The following ERLIN1 variants were observed in gnomAD, a reference collection of about 807,000 sequenced individuals.
ERLIN1 encodes the protein erlin-1.
A neutral mutation model predicts 46.9 loss-of-function variants in ERLIN1; 24 were observed. The ratio of observed to expected loss-of-function variants is 0.51; its 90% CI spans 0.37 to 0.72. The LOEUF is 0.72. ERLIN1 is among the 30% of genes least tolerant of loss of function. The pLI, the probability that ERLIN1 is intolerant of heterozygous loss-of-function variation, is 0.00. For missense variants in ERLIN1, 293 were observed against 417.9 expected (o/e 0.70, Z 2.61); for synonymous variants, 158 against 143.2 (o/e 1.10, Z -0.74).
intron 2 of ERLIN1, among the ~76,000 whole-genome samples, chr10:100,181,733 T>C (rs1200790046): frequency 6.6e-6 from 1 of 152,054 alleles, no homozygotes; most frequent in Non-Finnish European, 1.5e-5. Context: ...AGGCTGGTCT[T>C]GAACTCCTGA....
intron 1 of ERLIN1, 100 bp downstream of exon 1, chr10:100,185,414 G>A: frequency 1.1e-6 from 1 of 903,502 alleles, no homozygotes; most frequent in Admixed American, 2.0e-5. Context: ...GATGGGACAT[G>A]CGCCCCCGAA....
intron 2 of ERLIN1, among the ~76,000 whole-genome samples, chr10:100,183,482 A>G (rs1844778996): frequency 6.6e-6 from 1 of 152,250 alleles, no homozygotes; most frequent in African/African-American, 2.4e-5. Context: ...TTGTGACAGC[A>G]GCAACAGAAA....
At chr10:100,177,038 C>T (rs1007595254) in intron 4 of ERLIN1, among the ~76,000 whole-genome samples, 3 of 152,112 alleles carry the variant, frequency 2.0e-5, no homozygotes, top group African/African-American at 7.2e-5. Context: ...AGGAGAATTG[C>T]ATGAACCCAA....
intron 3 of ERLIN1, among the ~76,000 whole-genome samples, chr10:100,178,640 T>C (rs1396140706): frequency 6.6e-6 from 1 of 152,212 alleles, no homozygotes; most frequent in Non-Finnish European, 1.5e-5. Flanking sequence ...TTAGATGGCA[T>C]TTAACACTAC....
rs1589510134 is a variant in ERLIN1, at chr10:100,154,991, A to C, written c.746-52T>G. 5.5e-6 allele frequency: 8 copies of C among 1,446,034 alleles called. No homozygotes were observed. In the East Asian group the frequency reaches 1.8e-4, roughly 33 times the overall value. 89.6% of individuals were successfully genotyped at this position (1,446,034 alleles called of 1,614,324 possible). ...CAATCCATTCCCTCAGCTAGTTAAG[A>C]GTCCCTTTCCCCACTGCTTAATATT... On this transcript the variant is annotated intron_variant, in intron 9 of 10. Transcript: ENST00000421367.
intron 6 of ERLIN1, among the ~76,000 whole-genome samples, chr10:100,172,603 A>G (rs566044143): frequency 6.6e-6 from 1 of 152,352 alleles, no homozygotes; most frequent in Admixed American, 6.5e-5. Context: ...AACCAAAGGA[A>G]TGCAAATCAA....
At chr10:100,156,508 C>T (rs1010001004) in intron 8 of ERLIN1, among the ~76,000 whole-genome samples, 3 of 152,050 alleles carry the variant, frequency 2.0e-5, no homozygotes, top group Non-Finnish European at 4.4e-5. Flanking sequence ...TCTGTAGCAA[C>T]GGTCCACAAG....
intron 1 of ERLIN1, among the ~76,000 whole-genome samples, chr10:100,184,716 G>A (rs1285736399): frequency 6.6e-6 from 1 of 152,156 alleles, no homozygotes; most frequent in Non-Finnish European, 1.5e-5. Flanking sequence ...AATTTCTTAT[G>A]TAGAGCTCCA....
chr10:100,178,015 A>T, intron 4 of ERLIN1, 118 bp downstream of exon 4: 1 of 687,532 alleles, frequency 1.5e-6, no homozygotes, highest in Non-Finnish European at 2.5e-6. Context: ...GAAATTTATT[A>T]ATCAGTGATC....
rs1286952992 is a variant in ERLIN1 at position 100,185,737 on chromosome 10, C to T, written c.-111G>A. ...CGGAAACTTGGCGCTCTCTCGCAGG[C>T]TGAGCCGGGGAGTCCAGTACCCCTG... On this transcript the variant is annotated 5_prime_UTR_variant, in exon 1 of 11. Transcript: ENST00000421367. The T allele has an allele frequency of 3.5e-6, 3 of 855,864 alleles. No individual in the cohort carries two copies. Among genetic ancestry groups the T allele is most frequent in the African/African-American group, 1.7e-5 (1 of 60,350 alleles). The allele number at this position is 855,864 out of a possible 1,614,324, so 53.0% of individuals were successfully genotyped here. A position where few individuals can be genotyped will look rare whatever the true frequency, so the allele number is the denominator to read the frequency against.
intron 9 of ERLIN1, among the ~76,000 whole-genome samples, chr10:100,155,634 C>A (rs1010903666): frequency 2.1e-4 from 32 of 152,016 alleles, no homozygotes; most frequent in African/African-American, 7.7e-4. Context: ...CCTGCCTCAG[C>A]CTCCCAAGTA....
At chr10:100,168,178 G>A (rs1003069929) in intron 6 of ERLIN1, among the ~76,000 whole-genome samples, 14 of 152,040 alleles carry the variant, frequency 9.2e-5, no homozygotes, top group Admixed American at 2.0e-4. Context: ...ATACCCCGCC[G>A]CCCCACCTAT....
At chr10:100,158,090 G>C (rs1375596245) in intron 8 of ERLIN1, among the ~76,000 whole-genome samples, 1 of 152,190 alleles carries the variant, frequency 6.6e-6, no homozygotes, top group South Asian at 2.1e-4. Flanking sequence ...AAGGGAGTGG[G>C]ACCTGGGTTT....
chr10:100,167,172 A>G (rs989773550), intron 7 of ERLIN1, among the ~76,000 whole-genome samples, 176 bp downstream of exon 7: 2 of 152,214 alleles, frequency 1.3e-5, no homozygotes, highest in African/African-American at 2.4e-5. Context: ...AACACTAGTA[A>G]GAGTCTAGTG....
At chr10:100,167,112 C>T (rs1206733247) in intron 7 of ERLIN1, among the ~76,000 whole-genome samples, 3 of 152,170 alleles carry the variant, frequency 2.0e-5, no homozygotes, top group African/African-American at 4.8e-5. Flanking sequence ...TTACAGCAAA[C>T]TGCATCTTTA....
chr10:100,157,111 C>A (rs1843121496), intron 8 of ERLIN1, among the ~76,000 whole-genome samples: 1 of 152,082 alleles, frequency 6.6e-6, no homozygotes, highest in Admixed American at 6.5e-5. Flanking sequence ...CAAGCGAAGA[C>A]AACATAAAAT....
At chr10:100,179,063 G>A (rs1316070993) in intron 3 of ERLIN1, 138 bp downstream of exon 3, 17 of 615,390 alleles carry the variant, frequency 2.8e-5, no homozygotes. Context: ...ATAGGCCTTT[G>A]CTCAAACAAT....
At chr10:100,184,739 T>C (rs910128498) in intron 1 of ERLIN1, among the ~76,000 whole-genome samples, 13 of 152,232 alleles carry the variant, frequency 8.5e-5, no homozygotes, top group Non-Finnish European at 1.8e-4. Context: ...TGCTAAGATA[T>C]ACCATTAAAA....
At chr10:100,171,678 T>G (rs1844006333) in intron 6 of ERLIN1, among the ~76,000 whole-genome samples, 1 of 152,196 alleles carries the variant, frequency 6.6e-6, no homozygotes, top group Admixed American at 6.5e-5. Flanking sequence ...CCTAAAGTGG[T>G]GGGATTACAG....
Sources: allele counts gnomAD v4.1 joint callset (sites outside exome capture counted in the v4.1 genomes callset), GRCh38; gene constraint gnomAD v4.1.1; transcripts MANE v1.5; gene names NCBI Gene and HGNC (gene_info 2026-07-23, HGNC 2026-07-21).